Variants in NRXN3 observed in about 807,000 individuals in gnomAD.
The protein encoded by NRXN3 is neurexin 3.
In NRXN3, 32 loss-of-function variants were observed where a neutral mutation model predicts 137.6. The observed-to-expected ratio is 0.23, with a 90% confidence interval of 0.18 to 0.31. The LOEUF is 0.31. NRXN3 is among the 10% of genes least tolerant of loss of function. The pLI, the probability that NRXN3 is intolerant of heterozygous loss-of-function variation, is 1.00. For missense variants in NRXN3, 1,574 were observed against 2,062.5 expected (o/e 0.76, Z 4.59); for synonymous variants, 798 against 784.5 (o/e 1.02, Z -0.29).
intron 15 of NRXN3, among the ~76,000 whole-genome samples, chr14:79,447,159 A>G (rs977267966): frequency 7.9e-5 from 12 of 152,212 alleles, no homozygotes; most frequent in African/African-American, 2.7e-4. Context: ...CAAAATATTG[A>G]GGGACCAATT....
intron 15 of NRXN3, among the ~76,000 whole-genome samples, chr14:79,385,794 G>A (rs2094597402): frequency 6.6e-6 from 1 of 152,120 alleles, no homozygotes; most frequent in Non-Finnish European, 1.5e-5. Context: ...TGCAAGGCTG[G>A]TTAAACATAC....
intron 15 of NRXN3, among the ~76,000 whole-genome samples, chr14:79,388,068 G>A (rs544744545): frequency 4.7e-4 from 71 of 151,528 alleles, no homozygotes; most frequent in Middle Eastern, 6.8e-3. Flanking sequence ...AAACCTGCAC[G>A]TTGTGCACAT....
chr14:78,810,707 A>T (rs1380004093), intron 10 of NRXN3, among the ~76,000 whole-genome samples: 2 of 152,234 alleles, frequency 1.3e-5, no homozygotes, highest in African/African-American at 4.8e-5. Context: ...GGCAACCAGC[A>T]TGCACTTCTC....
At chr14:79,616,485 G>A (rs2098157312) in intron 16 of NRXN3, among the ~76,000 whole-genome samples, 1 of 152,124 alleles carries the variant, frequency 6.6e-6, no homozygotes, top group African/African-American at 2.4e-5. Flanking sequence ...CAAGGTTAAT[G>A]GAGAACAGGC....
intron 15 of NRXN3, among the ~76,000 whole-genome samples, chr14:79,009,888 G>A (rs1055221038): frequency 2.6e-5 from 4 of 152,246 alleles, no homozygotes; most frequent in Middle Eastern, 3.4e-3. Flanking sequence ...GCAAGATCAC[G>A]AAATAATTCA....
intron 15 of NRXN3, among the ~76,000 whole-genome samples, chr14:79,277,473 A>G (rs977357751): frequency 1.8e-4 from 27 of 152,216 alleles, no homozygotes; most frequent in African/African-American, 6.5e-4. Context: ...TCTAGCAATA[A>G]TAGCATAAGA....
chr14:78,865,240 A>C (rs2099083727), intron 10 of NRXN3, among the ~76,000 whole-genome samples: 1 of 152,194 alleles, frequency 6.6e-6, no homozygotes. Flanking sequence ...CAATTGATCT[A>C]TTGGCCATGG....
intron 15 of NRXN3, among the ~76,000 whole-genome samples, chr14:79,418,413 G>T (rs999659922): frequency 3.3e-5 from 5 of 152,256 alleles, no homozygotes; most frequent in Middle Eastern, 3.4e-3. Context: ...TTTCATTTTA[G>T]TGAAGGGTTA....
intron 17 of NRXN3, among the ~76,000 whole-genome samples, chr14:79,678,384 G>A (rs980141041): frequency 6.6e-6 from 1 of 152,092 alleles, no homozygotes; most frequent in Non-Finnish European, 1.5e-5. Flanking sequence ...ATAAATCTCT[G>A]TGGTAGAAAC....
chr14:79,416,750 C>A (rs2153524905), intron 15 of NRXN3, among the ~76,000 whole-genome samples: 1 of 152,238 alleles, frequency 6.6e-6, no homozygotes, highest in African/African-American at 2.4e-5. Flanking sequence ...GCCCACTTTT[C>A]TTCTATGCAG....
At chr14:78,258,691 A>G (rs1476363776) in intron 2 of NRXN3, among the ~76,000 whole-genome samples, 1 of 152,214 alleles carries the variant, frequency 6.6e-6, no homozygotes, top group African/African-American at 2.4e-5. Context: ...TGGTGAATAA[A>G]TGAAAGAGTG....
intron 8 of NRXN3, among the ~76,000 whole-genome samples, chr14:78,733,000 G>A (rs1196354719): frequency 1.3e-5 from 2 of 152,124 alleles, no homozygotes; most frequent in Admixed American, 1.3e-4. Context: ...TGAAGAATAT[G>A]CACTGCATAG....
At chr14:79,058,420 G>A (rs372410099) in intron 15 of NRXN3, among the ~76,000 whole-genome samples, 1 of 152,014 alleles carries the variant, frequency 6.6e-6, no homozygotes, top group Non-Finnish European at 1.5e-5. Context: ...TGGAACACAG[G>A]CTTGAGAAGG....
intron 4 of NRXN3, among the ~76,000 whole-genome samples, chr14:78,538,475 C>A (rs1335115533): frequency 2.0e-5 from 3 of 152,174 alleles, no homozygotes; most frequent in African/African-American, 7.2e-5. Flanking sequence ...TATCCTGAGA[C>A]TTTGCTGAAG....
intron 4 of NRXN3, among the ~76,000 whole-genome samples, chr14:78,519,020 A>G (rs1283725238): frequency 6.6e-6 from 1 of 152,132 alleles, no homozygotes; most frequent in Non-Finnish European, 1.5e-5. Context: ...CTATAAAGAA[A>G]TATTCCTTTC....
intron 16 of NRXN3, among the ~76,000 whole-genome samples, chr14:79,617,097 CT>C (rs1460694802): frequency 2.6e-5 from 4 of 152,128 alleles, no homozygotes; most frequent in African/African-American, 9.7e-5. Context: ...ACTCACCAAC[CT>C]GCTGGGAGTG....
intron 15 of NRXN3, among the ~76,000 whole-genome samples, chr14:78,994,736 C>A (rs1457711439): frequency 4.6e-5 from 7 of 152,110 alleles, no homozygotes; most frequent in South Asian, 2.1e-4. Flanking sequence ...CACTTAGCTT[C>A]CTGAAACTTT....
chr14:79,637,445 T>C (rs2098409811), intron 16 of NRXN3, among the ~76,000 whole-genome samples: 1 of 151,986 alleles, frequency 6.6e-6, no homozygotes, highest in South Asian at 2.1e-4. Context: ...GTTGTAGCAA[T>C]AGTGGAGGGA....
chr14:79,419,535 C>A (rs1195598851), intron 15 of NRXN3, among the ~76,000 whole-genome samples: 1 of 152,038 alleles, frequency 6.6e-6, no homozygotes, highest in African/African-American at 2.4e-5. Context: ...AGAAAACCAT[C>A]CTTCTCATTT....
Sources: gnomAD v4.1 joint callset for allele counts (sites outside exome capture counted in the v4.1 genomes callset) on GRCh38, gnomAD v4.1.1 for gene constraint, MANE v1.5 for transcripts, NCBI Gene and HGNC (gene_info 2026-07-23, HGNC 2026-07-21) for gene names.